The following PIGO variants were observed in gnomAD, a reference collection of about 807,000 sequenced individuals.
The protein encoded by PIGO is GPI ethanolamine phosphate transferase 3, catalytic subunit.
PIGO carries 66 observed loss-of-function variants against 86.9 expected under a neutral mutation model. The observed-to-expected ratio is 0.76, with a 90% CI of 0.62 to 0.93. The LOEUF is 0.93. Among genes scored for constraint, PIGO ranks in the 40% least tolerant of loss-of-function variants. The pLI, the probability that PIGO is intolerant of heterozygous loss-of-function variation, is 0.00. For synonymous variants in PIGO, 570 were observed against 556.4 expected (o/e 1.02, Z -0.34); for missense variants, 1,202 against 1,359.1 (o/e 0.88, Z 1.82).
chr9:35,090,809 A>G (rs1240749936), intron 7 of PIGO, 137 bp from the exon 8 acceptor site: 8 of 803,104 alleles, frequency 1.0e-5, no homozygotes, highest in Non-Finnish European at 1.5e-5. Context: ...CAACCTCCTT[A>G]CAGTCAACAT....
chr9:35,093,307 G>C (rs747289829), intron 5 of PIGO, 98 bp from the exon 6 acceptor site: 1 of 1,570,098 alleles, frequency 6.4e-7, no homozygotes, highest in Non-Finnish European at 8.7e-7. Flanking sequence ...TGAGAGTGGA[G>C]GATACCCAGG....
At chr9:35,094,972 C>G (rs1829596947) in intron 2 of PIGO, 83 bp downstream of exon 2, 3 of 1,498,124 alleles carry the variant, frequency 2.0e-6, no homozygotes, top group East Asian at 2.3e-5. Flanking sequence ...TGCATCTGGG[C>G]ACCCAAAGGT....
rs142897141 is a variant in PIGO, at chr9:35,092,043, C to T, written c.1844G>A (p.Arg615Gln). Residue 615 changes from arginine (R) to glutamine (Q), a missense_variant, in exon 7 of 11, where the codon CGG (arginine) becomes CAG (glutamine). By Grantham distance (43) the Arg-to-Gln change is conservative. Transcript: ENST00000378617. ...CCTCAGGGCATATGCACCATTGTGC[C>T]GTGGGGGGTTTGTTGTGGCTGAAGT... ...LGTSATTNPP[R>Q]HNGAYALRLG... The T allele has an allele frequency of 5.5e-5, 88 of 1,614,140 alleles. No homozygotes were observed. Among genetic ancestry groups the T allele is most frequent in the Admixed American group, 6.7e-5 (4 of 60,026 alleles).
intron 5 of PIGO, 70 bp from the exon 6 acceptor site, chr9:35,093,279 AG>A (rs760796399): frequency 6.3e-7 from 1 of 1,575,574 alleles, no homozygotes; most frequent in East Asian, 2.3e-5. Flanking sequence ...TGGCAGACAT[AG>A]GGGCCTAGGT....
chr9:35,095,669 C>T (rs976844172), intron 1 of PIGO, 103 bp from the exon 2 acceptor site: 7 of 1,339,214 alleles, frequency 5.2e-6, no homozygotes, highest in South Asian at 4.7e-5. Context: ...CTCCCGGAAA[C>T]CTTCCTGGAG....
In PIGO at chr9:35,091,339, ACAG is replaced by A. The variant is rs1311555746; in HGVS notation, c.2545_2547del (p.Leu850del). 1 of 1,614,106 alleles carries A rather than the reference ACAG, an allele frequency of 6.2e-7. No homozygotes were observed. Among genetic ancestry groups the A allele is most frequent in the East Asian group, 2.2e-5 (1 of 44,900 alleles). ...ACAAGGCTGATGCGCTCCGCATGCA[ACAG>A]CAGAAGTGGGAAGGCCAACAGGGTG... On this transcript the variant is annotated inframe_deletion, in exon 7 of 11. Coordinates refer to ENST00000378617, the MANE Select transcript of PIGO (RefSeq NM_032634.4).
rs771070092 is a variant in PIGO at position 35,093,142 on chromosome 9, G to A, written c.1007C>T (p.Pro336Leu). The change falls in exon 6 of 11, where the codon CCA becomes CTA. Residue 336 changes from proline (P) to leucine (L), a missense_variant. Coordinates refer to ENST00000378617, the MANE Select transcript of PIGO (RefSeq NM_032634.4). ...CATCACTTCCCCGATATTCCCAAAT[G>A]GGATGGGCAGGCCCAGCAGCAGGGC... ...TLALLLGLPI[P>L]FGNIGEVMAE... 2 of 1,614,178 alleles carry A rather than the reference G, an allele frequency of 1.2e-6. No homozygotes were observed. The highest frequency in any genetic ancestry group is 1.3e-5 in the African/African-American group (1 of 75,058).
Position 35,091,840 on chromosome 9 carries a change from C to T in PIGO, c.2047G>A (p.Ala683Thr), listed in dbSNP as rs773268300. 1 of 1,614,058 alleles carries T rather than the reference C, an allele frequency of 6.2e-7. No homozygotes were observed. Among genetic ancestry groups the T allele is most frequent in the East Asian group, 2.2e-5 (1 of 44,876 alleles). Residue 683 changes from alanine to threonine, a missense_variant, in exon 7 of 11, where the codon GCC (alanine) becomes ACC (threonine). Ala to Thr is a moderately conservative substitution (Grantham distance 58, BLOSUM62 0). Coordinates refer to ENST00000378617, the MANE Select transcript of PIGO (RefSeq NM_032634.4). ...CVAALVALLA[A>T]VRLWLRRYGN... ...TAGCGGCGAAGCCACAAGCGCACGG[C>T]AGCTAACAGGGCCACCAGCGCCGCC...
In PIGO at chr9:35,091,395, A is replaced by T; in HGVS notation, c.2492T>A (p.Val831Asp). ...LTVAAYQLGS[V>D]YSAAMVTALT... The stretch of plus-strand genomic sequence containing the variant: ...GGCTGTGACCATAGCAGCTGAGTAG[A>T]CACTCCCCAACTGATAAGCAGCCAC... Residue 831 changes from valine to aspartate, a missense_variant, in exon 7 of 11, where the codon GTC becomes GAC. By Grantham distance (152) the Val-to-Asp change is radical (BLOSUM62 -3). Coordinates refer to ENST00000378617, the MANE Select transcript of PIGO (RefSeq NM_032634.4). 1.9e-6 allele frequency: 3 copies of T among 1,614,182 alleles called. No individual in the cohort carries two copies. The highest frequency in any genetic ancestry group is 2.5e-6 in the Non-Finnish European group (3 of 1,180,018).
intron 5 of PIGO, 36 bp downstream of exon 5, chr9:35,093,385 A>G (rs1402183358): frequency 1.2e-6 from 2 of 1,613,306 alleles, no homozygotes; most frequent in East Asian, 4.5e-5. Context: ...TGGGCTGATT[A>G]CTGGGAGAAC....
intron 7 of PIGO, 81 bp downstream of exon 7, chr9:35,091,156 TGAG>T: frequency 2.1e-6 from 3 of 1,414,944 alleles, no homozygotes; most frequent in East Asian, 2.3e-5. Context: ...CTCAGGAACA[TGAG>T]GAGCAACACC....
Position 35,094,026 on chromosome 9 carries a change from T to C in PIGO, c.656-2A>G. ...GCACGTCCCATTCACCACTGTCCAC[T>C]GTGAAGGGGAGAACACTGAGCACAG... On this transcript the variant is annotated splice_acceptor_variant, in intron 3 of 10. Transcript: ENST00000378617. LOFTEE classifies it high-confidence loss of function. The C allele has an allele frequency of 6.2e-7, 1 of 1,613,214 alleles. No homozygotes were observed. The highest frequency in any genetic ancestry group is 1.1e-5 in the South Asian group (1 of 90,938).
chr9:35,089,988 C>A, intron 9 of PIGO, 78 bp downstream of exon 9: 1 of 1,529,688 alleles, frequency 6.5e-7, no homozygotes. Flanking sequence ...CTCTCTCCCA[C>A]GGTTTTGAAG....
rs1829289815 is a variant in PIGO at position 35,088,874 on chromosome 9, C to G, written c.*218G>C. On this transcript the variant is annotated 3_prime_UTR_variant, in exon 11 of 11. Coordinates refer to ENST00000378617, the MANE Select transcript of PIGO (RefSeq NM_032634.4). The stretch of plus-strand genomic sequence containing the variant: ...TTATTCCACTTCGGAGACCGCCCCC[C>G]TTGTCCCTCAGATGCATCCAAATCA... The G allele has an allele frequency of 1.7e-6, 1 of 599,050 alleles. No homozygotes were observed. Among genetic ancestry groups the G allele is most frequent in the Non-Finnish European group, 2.8e-6 (1 of 361,176 alleles). 37.1% of individuals were successfully genotyped at this position (599,050 alleles called of 1,614,324 possible).
In PIGO at chr9:35,095,139, G is replaced by A; in HGVS notation, c.427C>T (p.Leu143=). The change falls in exon 2 of 11, where the codon CTG becomes TTG. Residue 143 remains leucine (L), a synonymous_variant. Transcript: ENST00000378617. ...QRLKALTTGS[L]PTFIDAGSNF... is the part of the protein sequence containing the mutation. ...CTACCAGCATCAATAAAGGTAGGCA[G>A]TGAGCCAGTGGTGAGGGCCTTGAGG... is the stretch of plus-strand genomic sequence containing the variant. 1 of 1,614,204 alleles carries A rather than the reference G, an allele frequency of 6.2e-7. No individual in the cohort carries two copies. Among genetic ancestry groups the A allele is most frequent in the Non-Finnish European group, 8.5e-7 (1 of 1,180,028 alleles).
At chr9:35,093,639 A>G in intron 4 of PIGO, 59 bp from the exon 5 acceptor site, 1 of 1,520,648 alleles carries the variant, frequency 6.6e-7, no homozygotes, top group Non-Finnish European at 8.8e-7. Flanking sequence ...TCAAAAAGAA[A>G]AAAGATTTTT....
At position 35,094,376 on chromosome 9, in the gene PIGO, G is replaced by C. The variant is rs2240116; in HGVS notation, c.512-17C>G. 16 of 1,594,704 alleles carry C rather than the reference G, an allele frequency of 1.0e-5. No homozygotes were observed. The highest frequency in any genetic ancestry group is 1.4e-5 in the Non-Finnish European group (16 of 1,175,144). ...CACGCCTTCCTGCAGGGACATGAAA[G>C]AGAAGTCAGAGCCTGAGCAAACGTC... On this transcript the variant is annotated splice_polypyrimidine_tract_variant and intron_variant, in intron 2 of 10. Coordinates refer to ENST00000378617, the MANE Select transcript of PIGO (RefSeq NM_032634.4).
In PIGO at chr9:35,090,086, G is replaced by A. The variant is rs753866521; in HGVS notation, c.3049C>T (p.Leu1017Phe). The change falls in exon 9 of 11, where the codon CTC (leucine) becomes TTC (phenylalanine). Residue 1017 changes from leucine (L) to phenylalanine (F), a missense_variant. Coordinates refer to ENST00000378617, the MANE Select transcript of PIGO (RefSeq NM_032634.4). ...CCCACCTGAATACCAAGGATAAAGA[G>A]GTACTTGAGGCCCAGCTGCAGCAGT... ...AALLQLGLKY[L>F]FILGIQILAC... 11 of 1,614,088 alleles carry A rather than the reference G, an allele frequency of 6.8e-6. No homozygotes were observed. Among genetic ancestry groups the A allele is most frequent in the South Asian group, 6.6e-5 (6 of 91,066 alleles).
In PIGO at chr9:35,092,637, G is replaced by A. The variant is rs748866594; in HGVS notation, c.1250C>T (p.Ala417Val). The A allele has an allele frequency of 1.2e-6, 2 of 1,614,118 alleles. No homozygotes were observed. The highest frequency in any genetic ancestry group is 1.7e-6 in the Non-Finnish European group (2 of 1,180,062). ...AATCACAGTCGGCAGTGTCGCCTCA[G>A]CCCCCTTGGGGCTCTGGAGAAGCCA... ...YQWLLQSPKGAEATLPTVIAE... is the reference protein window; with the variant it reads ...YQWLLQSPKGVEATLPTVIAE... The change falls in exon 7 of 11, where the codon GCT becomes GTT. Residue 417 changes from alanine (A) to valine (V), a missense_variant. By Grantham distance (64) the Ala-to-Val change is moderately conservative. Coordinates refer to ENST00000378617, the MANE Select transcript of PIGO (RefSeq NM_032634.4).
Sources: allele counts gnomAD v4.1 joint callset, GRCh38; gene constraint gnomAD v4.1.1; transcripts MANE v1.5; gene names NCBI Gene and HGNC (gene_info 2026-07-23, HGNC 2026-07-21).